Variants in LINGO1 observed in about 807,000 individuals in gnomAD.
LINGO1 encodes leucine-rich repeat and immunoglobulin-like domain-containing nogo receptor-interacting protein 1.
A neutral mutation model predicts 37.3 loss-of-function variants in LINGO1; 11 were observed. The ratio of observed to expected loss-of-function variants is 0.29; its 90% CI spans 0.19 to 0.49. The LOEUF is 0.49. Ranked by LOEUF, LINGO1 falls within the 20% of genes least tolerant of loss-of-function variation. LINGO1 has a pLI of 0.99. For missense variants in LINGO1, 585 were observed against 878.2 expected (o/e 0.67, Z 4.22); for synonymous variants, 387 against 403.0 (o/e 0.96, Z 0.48).
intron 3 of LINGO1, chr15:77,641,994 A>G: frequency 2.2e-6 from 1 of 456,640 alleles, no homozygotes; most frequent in Non-Finnish European, 4.4e-6. Flanking sequence ...CTTTCCATTC[A>G]TGCCACCTGG....
At chr15:77,625,115 A>G (rs1443330988) in intron 1 of LINGO1, among the ~76,000 whole-genome samples, 1 of 152,080 alleles carries the variant, frequency 6.6e-6, no homozygotes, top group East Asian at 1.9e-4. Flanking sequence ...AGGCCTGGAA[A>G]CCAGCCAACC....
intron 1 of LINGO1, among the ~76,000 whole-genome samples, chr15:77,818,860 C>A (rs928627825): frequency 2.0e-5 from 3 of 151,664 alleles, no homozygotes; most frequent in African/African-American, 4.8e-5. Flanking sequence ...GAGGCGCACC[C>A]CTCCGCCCGC....
rs28706630 is a variant in LINGO1, at chr15:77,724,946, C to T, written c.-195+10046G>A. 7.5e-3 allele frequency among the ~76,000 whole-genome samples: 1,147 copies of T among 152,338 alleles called. 17 individuals are homozygous for T. The highest frequency in any genetic ancestry group is 0.026 in the African/African-American group (1,078 of 41,572). ...CCAGACGGTGTGTGGACCCGGCCAC[C>T]GCCCCACCCCAGGAGAGCCTGAGAT... is the stretch of plus-strand genomic sequence containing the variant. On this transcript the variant is annotated intron_variant, in intron 2 of 3. Transcript: ENST00000561686.
At chr15:77,690,158 C>T (rs187226051) in intron 2 of LINGO1, among the ~76,000 whole-genome samples, 39 of 152,286 alleles carry the variant, frequency 2.6e-4, no homozygotes, top group Admixed American at 1.8e-3. Flanking sequence ...CTTTGGGAAA[C>T]GCTCACCCCT....
chr15:77,725,133 T>C (rs909022038), intron 2 of LINGO1, among the ~76,000 whole-genome samples: 3 of 151,542 alleles, frequency 2.0e-5, no homozygotes, highest in African/African-American at 7.3e-5. Context: ...GAGGCAGGTC[T>C]ACACAGGCTC....
At chr15:77,812,634 T>C (rs1228834241) in intron 1 of LINGO1, among the ~76,000 whole-genome samples, 3 of 151,984 alleles carry the variant, frequency 2.0e-5, no homozygotes, top group Non-Finnish European at 4.4e-5. Context: ...CAGAAATAAA[T>C]GGCCATGATT....
chr15:77,699,444 A>G (rs1219521129), upstream of LINGO1, among the ~76,000 whole-genome samples: 1 of 20,262 alleles, frequency 4.9e-5, no homozygotes. Context: ...CCCACATAGT[A>G]AACACATACT....
At chr15:77,766,206 G>A (rs76556776) in intron 1 of LINGO1, among the ~76,000 whole-genome samples, 1 of 150,652 alleles carries the variant, frequency 6.6e-6, no homozygotes, top group Admixed American at 6.7e-5. Flanking sequence ...GCTGAGGCAG[G>A]AGGATCGCCT....
At chr15:77,617,327 AG>A (rs1288576260) in intron 1 of LINGO1, among the ~76,000 whole-genome samples, 3 of 152,000 alleles carry the variant, frequency 2.0e-5, no homozygotes, top group Non-Finnish European at 4.4e-5. Flanking sequence ...TAGGGTGAGT[AG>A]GGGGGTTGGG....
intron 3 of LINGO1, chr15:77,648,718 C>T: frequency 6.6e-6 from 1 of 152,274 alleles, no homozygotes. Flanking sequence ...AATGAAGTGG[C>T]ACTGAGGCCC....
At chr15:77,689,103 G>A (rs185689401) in intron 2 of LINGO1, among the ~76,000 whole-genome samples, 1 of 152,338 alleles carries the variant, frequency 6.6e-6, no homozygotes, top group Admixed American at 6.5e-5. Flanking sequence ...AGAGAGTGAG[G>A]AAGGGCATAA....
intron 1 of LINGO1, among the ~76,000 whole-genome samples, chr15:77,817,689 C>A (rs1226287365): frequency 1.3e-5 from 2 of 152,182 alleles, no homozygotes; most frequent in Non-Finnish European, 2.9e-5. Flanking sequence ...GCAGCAGGAG[C>A]CCGCCTGCCA....
chr15:77,797,705 G>A (rs944560374), intron 1 of LINGO1, among the ~76,000 whole-genome samples: 4 of 152,190 alleles, frequency 2.6e-5, no homozygotes, highest in Admixed American at 2.0e-4. Flanking sequence ...GTTGGGTGCC[G>A]TCCAGCACAG....
chr15:77,792,248 T>C (rs1368930529), intron 2 of LINGO1, among the ~76,000 whole-genome samples: 1 of 152,168 alleles, frequency 6.6e-6, no homozygotes, highest in Non-Finnish European at 1.5e-5. Context: ...CCACAGCCCA[T>C]CCTTCAGCAA....
chr15:77,652,863 C>T (rs1480672126), intron 3 of LINGO1, among the ~76,000 whole-genome samples: 2 of 152,046 alleles, frequency 1.3e-5, no homozygotes, highest in South Asian at 2.1e-4. Context: ...GTGCCTCTGT[C>T]GCCCCACCTG....
chr15:77,772,244 G>T (rs531637147), intron 1 of LINGO1, among the ~76,000 whole-genome samples: 8 of 152,354 alleles, frequency 5.3e-5, no homozygotes, highest in Admixed American at 5.2e-4. Context: ...TCCCACCAGG[G>T]TCAGGCAGTG....
intron 1 of LINGO1, among the ~76,000 whole-genome samples, chr15:77,746,567 G>A (rs1454345130): frequency 6.6e-6 from 1 of 152,220 alleles, no homozygotes; most frequent in Non-Finnish European, 1.5e-5. Flanking sequence ...CCATGCCACA[G>A]AAGTTGATGG....
chr15:77,803,953 G>C (rs1243483934), intron 1 of LINGO1, among the ~76,000 whole-genome samples: 2 of 152,194 alleles, frequency 1.3e-5, no homozygotes, highest in African/African-American at 4.8e-5. Context: ...GCCACGCACA[G>C]TGGGCCCTTC....
At chr15:77,774,798 G>C (rs2076621236) in intron 1 of LINGO1, among the ~76,000 whole-genome samples, 1 of 152,086 alleles carries the variant, frequency 6.6e-6, no homozygotes, top group Admixed American at 6.5e-5. Context: ...GAGGTCATCA[G>C]TGGGTGCACC....
Sources: gnomAD v4.1 joint callset for allele counts (sites outside exome capture counted in the v4.1 genomes callset) on GRCh38, gnomAD v4.1.1 for gene constraint, MANE v1.5 for transcripts, NCBI Gene and HGNC (gene_info 2026-07-23, HGNC 2026-07-21) for gene names.